ILDR1: variants seen among roughly 807,000 people sequenced by gnomAD.
ILDR1 encodes the protein immunoglobulin like domain containing receptor 1, also known as immunoglobulin-like domain-containing receptor 1.
A neutral mutation model predicts 62.4 loss-of-function variants in ILDR1; 56 were observed. That is an observed-to-expected ratio of 0.90 (90% CI 0.72 to 1.12). ILDR1 has a LOEUF of 1.12. Ranked by LOEUF, ILDR1 falls within the 50% of genes most tolerant of loss-of-function variation. ILDR1 has a pLI of 0.00. For missense variants in ILDR1, 736 were observed against 710.6 expected (o/e 1.04, Z -0.41); for synonymous variants, 284 against 277.8 (o/e 1.02, Z -0.22).
chr3:122,045,534 TATTAATG>T, the ILDR1 span, among the ~76,000 whole-genome samples: 33 of 150,642 alleles, frequency 2.2e-4, no homozygotes, highest in African/African-American at 7.8e-4. Flanking sequence ...AGTCTCCCAT[TATTAATG>T]TGTGGGAGTC....
At chr3:121,990,792 C>T (rs1452163107) in intron 7 of ILDR1, among the ~76,000 whole-genome samples, 1 of 152,196 alleles carries the variant, frequency 6.6e-6, no homozygotes, top group Admixed American at 6.5e-5. Flanking sequence ...TGAAAGGGCA[C>T]AGGCTTGAGA....
At chr3:121,994,363 C>T (rs2071407587) in intron 5 of ILDR1, 50 bp from the exon 6 acceptor site, 3 of 1,502,870 alleles carry the variant, frequency 2.0e-6, no homozygotes, top group African/African-American at 2.8e-5. Context: ...GCAAGCCCCA[C>T]ACCTCCCACT....
At chr3:122,044,496 C>T in the ILDR1 span, among the ~76,000 whole-genome samples, 1 of 149,152 alleles carries the variant, frequency 6.7e-6, no homozygotes. Flanking sequence ...GGAATGGTAC[C>T]AGCTCCTCCT....
At chr3:122,029,705 T>C in the ILDR1 span, among the ~76,000 whole-genome samples, 1 of 151,996 alleles carries the variant, frequency 6.6e-6, no homozygotes, top group East Asian at 1.9e-4. Flanking sequence ...ATAAGATAGA[T>C]GGTGCCTATT....
rs903932637 is a variant in ILDR1, at chr3:121,988,261, C to G, written c.*106G>C. ...TGATTCTCAGAATCTAAGCCAAAAA[C>G]TGTTAGACTCAGACTTGCAGTTCCC... On this transcript the variant is annotated 3_prime_UTR_variant, in exon 8 of 8. Transcript: ENST00000344209. 2.2e-6 allele frequency: 2 copies of G among 916,752 alleles called. No homozygotes were observed. The highest frequency in any genetic ancestry group is 3.3e-5 in the African/African-American group (2 of 61,350). The allele number at this position is 916,752 out of a possible 1,614,324, so 56.8% of individuals were successfully genotyped here.
At chr3:122,000,132 G>C (rs749455559) in intron 5 of ILDR1, among the ~76,000 whole-genome samples, 20 of 151,230 alleles carry the variant, frequency 1.3e-4, no homozygotes, top group Non-Finnish European at 2.1e-4. Flanking sequence ...AAACCTCAAT[G>C]ATCTGAGACT....
chr3:122,045,162 C>T, the ILDR1 span, among the ~76,000 whole-genome samples: 2 of 150,584 alleles, frequency 1.3e-5, no homozygotes, highest in Non-Finnish European at 3.0e-5. Context: ...TTTCTGCCTT[C>T]ATTTCGTTAT....
rs200106561 is a variant in ILDR1 at position 122,001,667 on chromosome 3, G to T, written c.499+78C>A. The T allele has an allele frequency of 3.5e-3, 4,954 of 1,413,370 alleles. 21 individuals carry two copies. The highest frequency in any genetic ancestry group is 0.026 in the African/African-American group (1,817 of 68,578). 87.6% of individuals were successfully genotyped at this position (1,413,370 alleles called of 1,614,324 possible). A position where few individuals can be genotyped will look rare whatever the true frequency, so the allele number is the denominator to read the frequency against. Reference sequence around the variant, plus strand: ...AAGAACTTAGGCTTGCTTATTTCTGGTTTTTTTTTTTTTTTCCTGTGAGTA... The same window carrying T: ...AAGAACTTAGGCTTGCTTATTTCTGTTTTTTTTTTTTTTTTCCTGTGAGTA... On this transcript the variant is annotated intron_variant, in intron 4 of 7. Transcript: ENST00000344209.
chr3:122,018,612 C>T (rs1559883814), intron 1 of ILDR1, among the ~76,000 whole-genome samples: 1 of 152,206 alleles, frequency 6.6e-6, no homozygotes, highest in Non-Finnish European at 1.5e-5. Context: ...AGGGTGAAGA[C>T]ACCAGGGTTC....
intron 5 of ILDR1, among the ~76,000 whole-genome samples, chr3:121,995,478 C>T (rs922920905): frequency 2.0e-5 from 3 of 152,198 alleles, no homozygotes; most frequent in African/African-American, 7.2e-5. Flanking sequence ...GTGGGCTGCT[C>T]AGTGATTCCA....
chr3:121,995,531 C>T (rs2071423621), intron 5 of ILDR1, among the ~76,000 whole-genome samples: 1 of 152,172 alleles, frequency 6.6e-6, no homozygotes, highest in East Asian at 1.9e-4. Flanking sequence ...GTAACAGAGT[C>T]CCCAGAAATG....
At chr3:122,029,511 A>AAAATATAT in the ILDR1 span, among the ~76,000 whole-genome samples, 1 of 139,478 alleles carries the variant, frequency 7.2e-6, no homozygotes, top group African/African-American at 2.8e-5. Flanking sequence ...GTCTAAAAAA[A>AAAATATAT]ATATATATAT....
intron 5 of ILDR1, among the ~76,000 whole-genome samples, chr3:121,996,284 T>A (rs1381349921): frequency 6.6e-6 from 1 of 152,162 alleles, no homozygotes; most frequent in East Asian, 1.9e-4. Context: ...CACAAATAAC[T>A]CTCTAACAAC....
chr3:122,001,926 T>A (rs2071534123), intron 3 of ILDR1, 62 bp from the exon 4 acceptor site: 3 of 1,593,374 alleles, frequency 1.9e-6, no homozygotes, highest in Non-Finnish European at 2.6e-6. Context: ...TTCTAACCCA[T>A]GACACCCTCA....
chr3:122,059,292 G>C, the ILDR1 span, among the ~76,000 whole-genome samples: 2 of 152,256 alleles, frequency 1.3e-5, no homozygotes, highest in South Asian at 4.1e-4. Flanking sequence ...ACAGAACCTG[G>C]AAAACCTTGA....
chr3:122,028,277 A>C, the ILDR1 span, among the ~76,000 whole-genome samples: 11 of 146,936 alleles, frequency 7.5e-5, no homozygotes, highest in Non-Finnish European at 1.6e-4. Context: ...TGGAGCTTGC[A>C]GTGAGCCGCG....
At position 122,022,050 on chromosome 3, in the gene ILDR1, A is replaced by G; in HGVS notation, c.28T>C (p.Trp10Arg). Residue 10 changes from tryptophan (W) to arginine (R), a missense_variant, in exon 1 of 8, where the codon TGG becomes CGG. By Grantham distance (101) the Trp-to-Arg change is moderately radical. Transcript: ENST00000344209. ...GGGAGCCAGGTGCAGAGCAGCAGCC[A>G]AGGTGCGGGCAGTTTGGGCCATGCC... MAWPKLPAP[W>R]LLLCTWLPAG... 1 of 1,611,588 alleles carries G rather than the reference A, an allele frequency of 6.2e-7. No homozygotes were observed. The highest frequency in any genetic ancestry group is 8.5e-7 in the Non-Finnish European group (1 of 1,178,990).
chr3:121,992,436 C>A (rs939253125), intron 7 of ILDR1, among the ~76,000 whole-genome samples: 1 of 152,208 alleles, frequency 6.6e-6, no homozygotes. Flanking sequence ...CCACACCCAG[C>A]CCCAAATAAT....
chr3:122,034,437 A>T, the ILDR1 span, among the ~76,000 whole-genome samples: 1 of 152,236 alleles, frequency 6.6e-6, no homozygotes, highest in Non-Finnish European at 1.5e-5. Context: ...CAGGGCAAAA[A>T]TTCAACAAAA....
Sources: gnomAD v4.1 joint callset for allele counts (sites outside exome capture counted in the v4.1 genomes callset) on GRCh38, gnomAD v4.1.1 for gene constraint, MANE v1.5 for transcripts, NCBI Gene and HGNC (gene_info 2026-07-23, HGNC 2026-07-21) for gene names.